The following COL6A5 variants were observed in gnomAD, a reference collection of about 807,000 sequenced individuals.
COL6A5 encodes collagen type VI alpha 5 chain.
COL6A5 carries 48 observed loss-of-function variants against 65.6 expected under a neutral mutation model. The observed-to-expected ratio is 0.73, with a 90% confidence interval of 0.58 to 0.93. The LOEUF (loss-of-function observed/expected upper bound fraction) is 0.93, where lower values mean the gene tolerates loss of function less well. Ranked by LOEUF, COL6A5 falls within the 40% of genes least tolerant of loss-of-function variation. COL6A5 has a pLI of 0.00. For synonymous variants in COL6A5, 291 were observed against 322.8 expected (o/e 0.90, Z 1.05); for missense variants, 914 against 928.3 (o/e 0.98, Z 0.20).
chr3:130,468,705 T>G (rs1709874944), intron 5 of COL6A5, 90 bp from the exon 38 acceptor site: 1 of 839,656 alleles, frequency 1.2e-6, no homozygotes, highest in Non-Finnish European at 1.8e-6. Context: ...AGCATGGTAA[T>G]AACCTCATGC....
intron 20 of COL6A5, 128 bp downstream of exon 20, chr3:130,410,652 A>G (rs1376436173): frequency 1.3e-6 from 1 of 745,626 alleles, no homozygotes; most frequent in South Asian, 1.8e-5. Context: ...CTCCATCTTG[A>G]CACTACTGAA....
At chr3:130,407,402 C>G (rs1163670555) in intron 17 of COL6A5, among the ~76,000 whole-genome samples, 1 of 152,168 alleles carries the variant, frequency 6.6e-6, no homozygotes, top group African/African-American at 2.4e-5. Flanking sequence ...GAATCACAAT[C>G]AGATTTACAT....
At chr3:130,347,961 A>G (rs577890203) in intron 1 of COL6A5, among the ~76,000 whole-genome samples, 1 of 152,178 alleles carries the variant, frequency 6.6e-6, no homozygotes, top group African/African-American at 2.4e-5. Flanking sequence ...CTGGTGGTGC[A>G]TGTGGCAGTT....
rs368141584 is a variant in COL6A5, at chr3:130,377,222, A to G, written c.667+386A>G. Among the ~76,000 whole-genome samples the G allele has an allele frequency of 3.3e-5, 5 of 152,118 alleles. No individual in the cohort carries two copies. In the East Asian group the frequency reaches 9.7e-4, roughly 29 times the overall value. ...CCTCCTTCCCTTCCCCACCATCACG[A>G]AGCAAGAAACAGGTAGCACATGAGG... On this transcript the variant is annotated intron_variant and NMD_transcript_variant, in intron 3 of 41. Coordinates refer to the COL6A5 transcript ENST00000312481.
intron 7 of COL6A5, among the ~76,000 whole-genome samples, chr3:130,475,033 A>C (rs1290968402): frequency 5.2e-5 from 2 of 38,372 alleles, no homozygotes; most frequent in African/African-American, 9.7e-5. Flanking sequence ...AAAAAAAAGG[A>C]AAAGAAAAGA....
At chr3:130,448,406 C>T (rs988357453) in intron 4 of COL6A5, among the ~76,000 whole-genome samples, 5 of 152,084 alleles carry the variant, frequency 3.3e-5, no homozygotes, top group South Asian at 2.1e-4. Flanking sequence ...GCACATAGGT[C>T]GGAATGCCTA....
At chr3:130,478,712 A>G (rs1357196049) in intron 7 of COL6A5, among the ~76,000 whole-genome samples, 1 of 152,052 alleles carries the variant, frequency 6.6e-6, no homozygotes, top group Non-Finnish European at 1.5e-5. Flanking sequence ...TTGTCAAACC[A>G]GGAGTCATTT....
intron 1 of COL6A5, among the ~76,000 whole-genome samples, chr3:130,362,235 A>T (rs1935133855): frequency 8.9e-6 from 1 of 112,150 alleles, no homozygotes; most frequent in African/African-American, 3.6e-5. Flanking sequence ...AATTTTTGGG[A>T]AGGGTGTAAG....
chr3:130,373,696 C>A (rs965493799), exon 2 of COL6A5: 6 of 1,532,916 alleles, frequency 3.9e-6, no homozygotes, highest in Non-Finnish European at 8.8e-7. Flanking sequence ...ATTGGCAGAC[C>A]AGAGCCCAGG....
intron 18 of COL6A5, 41 bp from the exon 19 acceptor site, chr3:130,409,967 AT>A (rs1559886716): frequency 2.2e-6 from 3 of 1,356,652 alleles, no homozygotes; most frequent in Non-Finnish European, 2.1e-6. Context: ...GAAAAAGCTG[AT>A]ATTTCTGGAT....
chr3:130,352,246 T>C (rs1460440789), intron 1 of COL6A5, among the ~76,000 whole-genome samples: 1 of 151,976 alleles, frequency 6.6e-6, no homozygotes, highest in Non-Finnish European at 1.5e-5. Context: ...CCATGGCACA[T>C]GTATACCTGT....
intron 4 of COL6A5, among the ~76,000 whole-genome samples, chr3:130,448,404 G>C (rs530066714): frequency 6.6e-6 from 1 of 152,144 alleles, no homozygotes; most frequent in Admixed American, 6.6e-5. Flanking sequence ...CAGCACATAG[G>C]TCGGAATGCC....
At chr3:130,431,252 T>C (rs1937787980), upstream of COL6A5, 1 of 696,508 alleles carries the variant, frequency 1.4e-6, no homozygotes, top group Non-Finnish European at 2.6e-6. Flanking sequence ...GAGCATTATA[T>C]AGCCAAATAT....
At chr3:130,381,380 A>G (rs1181899794) in intron 4 of COL6A5, among the ~76,000 whole-genome samples, 2 of 152,112 alleles carry the variant, frequency 1.3e-5, no homozygotes, top group Non-Finnish European at 2.9e-5. Flanking sequence ...TGGATATACC[A>G]TATTTTTTAA....
chr3:130,473,420 A>G (rs990264563), intron 7 of COL6A5, among the ~76,000 whole-genome samples: 7 of 152,122 alleles, frequency 4.6e-5, no homozygotes, highest in South Asian at 4.1e-4. Flanking sequence ...GGCCCCATGC[A>G]TTAAAGAAAT....
Position 130,409,406 on chromosome 3 carries a change from A to G in COL6A5, c.4542+18A>G, listed in dbSNP as rs1293721410. On this transcript the variant is annotated intron_variant and NMD_transcript_variant, in intron 18 of 41. Coordinates refer to the COL6A5 transcript ENST00000312481. ...GGGATCCGGTAAGTTTCTAGGGCCC[A>G]GTTGGCTCTGAATTTTATACTTGCT... 2 of 1,543,274 alleles carry G rather than the reference A, an allele frequency of 1.3e-6. No individual in the cohort carries two copies. The highest frequency in any genetic ancestry group is 1.7e-4 in the Middle Eastern group (1 of 5,910).
chr3:130,345,690 G>C, exon 1 of COL6A5: 1 of 398,704 alleles, frequency 2.5e-6, no homozygotes, highest in Admixed American at 4.4e-5. Context: ...ATTAAAACTT[G>C]TGAAGAGTTA....
At chr3:130,380,050 G>A in exon 4 of COL6A5, 2 of 1,495,928 alleles carry the variant, frequency 1.3e-6, no homozygotes, top group Non-Finnish European at 1.8e-6. Flanking sequence ...TGATAAAACT[G>A]GTATGTTTTT....
chr3:130,432,392 A>G (rs944252514), intron 1 of COL6A5, among the ~76,000 whole-genome samples: 4 of 151,990 alleles, frequency 2.6e-5, no homozygotes, highest in Non-Finnish European at 5.9e-5. Flanking sequence ...ATCTCTACTA[A>G]AAATACAAAA....
Sources: gnomAD v4.1 joint callset for allele counts (sites outside exome capture counted in the v4.1 genomes callset) on GRCh38, gnomAD v4.1.1 for gene constraint, MANE v1.5 for transcripts, NCBI Gene and HGNC (gene_info 2026-07-23, HGNC 2026-07-21) for gene names.